The following COL4A5 variants were observed in gnomAD, a reference collection of about 807,000 sequenced individuals.
COL4A5 encodes the protein collagen alpha-5(IV) chain.
A neutral mutation model predicts 130.2 loss-of-function variants in COL4A5; 26 were observed. The observed-to-expected ratio is 0.20, with a 90% confidence interval of 0.15 to 0.28. The LOEUF (loss-of-function observed/expected upper bound fraction) is 0.28. Among genes scored for constraint, COL4A5 ranks in the 10% least tolerant of loss-of-function variants. The pLI is 1.00. For synonymous variants in COL4A5, 496 were observed against 439.6 expected, an observed-to-expected ratio of 1.13 and a Z score of -1.60; for missense variants, 1,131 against 1,344.3, an observed-to-expected ratio of 0.84 and a Z score of 2.48.
intron 10 of COL4A5, among the ~76,000 whole-genome samples, chrX:108,576,986 C>A (rs1459857894): frequency 1.8e-5 from 2 of 111,684 alleles, no homozygotes; most frequent in African/African-American, 3.3e-5. Context: ...TGAATTTCCT[C>A]AACCATTGTG....
At chrX:108,519,609 T>A (rs1342533862) in intron 1 of COL4A5, among the ~76,000 whole-genome samples, 1 of 111,688 alleles carries the variant, frequency 9.0e-6, no homozygotes, top group Non-Finnish European at 1.9e-5. Flanking sequence ...TACATTATTT[T>A]GAATATGTAC....
chrX:108,608,501 C>G (rs1005769026), intron 29 of COL4A5, among the ~76,000 whole-genome samples: 6 of 111,053 alleles, frequency 5.4e-5, no homozygotes, highest in Non-Finnish European at 9.5e-5. Flanking sequence ...TTGACAAATA[C>G]TATATACTAT....
chrX:108,663,526 A>G (rs1377608856), intron 37 of COL4A5, among the ~76,000 whole-genome samples: 2 of 111,371 alleles, frequency 1.8e-5, no homozygotes, highest in East Asian at 2.8e-4. Context: ...GAGCTGAACA[A>G]TGAGAATACA....
intron 1 of COL4A5, among the ~76,000 whole-genome samples, chrX:108,499,166 C>T (rs1300060981): frequency 9.0e-6 from 1 of 111,191 alleles, no homozygotes; most frequent in Admixed American, 9.6e-5. Flanking sequence ...AAGAAGTTCC[C>T]TCTATTTTTA....
intron 2 of COL4A5, 101 bp from the exon 3 acceptor site, chrX:108,558,963 T>C (rs2065865800): frequency 3.0e-6 from 2 of 666,076 alleles, no homozygotes; most frequent in African/African-American, 4.2e-5. Context: ...TTAAATTAAG[T>C]TAGTTTTGTC....
chrX:108,574,115 T>G (rs1299231229), intron 9 of COL4A5, among the ~76,000 whole-genome samples: 1 of 111,655 alleles, frequency 9.0e-6, no homozygotes, highest in Non-Finnish European at 1.9e-5. Flanking sequence ...GAAAAAAATT[T>G]TAGCCTACAG....
At chrX:108,543,389 C>G (rs991674130) in intron 2 of COL4A5, among the ~76,000 whole-genome samples, 32 of 111,504 alleles carry the variant, frequency 2.9e-4, no homozygotes, top group African/African-American at 9.8e-4. Flanking sequence ...GCTTGTTTTT[C>G]TCAGGTTTGT....
chrX:108,516,116 T>C (rs761022134), intron 1 of COL4A5, among the ~76,000 whole-genome samples: 4 of 112,110 alleles, frequency 3.6e-5, no homozygotes, highest in Non-Finnish European at 7.5e-5. Flanking sequence ...AGTAATTGTG[T>C]TAGAAATGCA....
intron 1 of COL4A5, among the ~76,000 whole-genome samples, chrX:108,534,166 GAA>G (rs1383529226): frequency 9.2e-6 from 1 of 108,322 alleles, no homozygotes; most frequent in Non-Finnish European, 1.9e-5. Flanking sequence ...GAGAGAGAGA[GAA>G]AGAGAAAGAA....
At chrX:108,526,660 CTTCTTTCTTTCTCTTTCTTTCTTTCTT>C (rs2065324954) in intron 1 of COL4A5, among the ~76,000 whole-genome samples, 44 of 38,724 alleles carry the variant, frequency 1.1e-3, no homozygotes, top group East Asian at 4.9e-3. Flanking sequence ...TTCTTTCTTT[CTTCTTTCTTTCTCTTTCTTTCTTTCTT>C]TCTTTCTTTC....
At chrX:108,615,712 A>G (rs1229640640) in intron 30 of COL4A5, among the ~76,000 whole-genome samples, 2 of 111,601 alleles carry the variant, frequency 1.8e-5, no homozygotes, top group Non-Finnish European at 3.8e-5. Context: ...AATTCTCGTT[A>G]TGTTAATCTA....
intron 2 of COL4A5, among the ~76,000 whole-genome samples, chrX:108,547,567 TGAG>T (rs2065680285): frequency 8.9e-6 from 1 of 111,910 alleles, no homozygotes; most frequent in African/African-American, 3.3e-5. Flanking sequence ...GGGACCCACT[TGAG>T]GAGGCAGTCT....
chrX:108,508,100 TC>T (rs1163584709), intron 1 of COL4A5, among the ~76,000 whole-genome samples: 1 of 111,035 alleles, frequency 9.0e-6, no homozygotes, highest in East Asian at 2.8e-4. Context: ...GTCAAACTAT[TC>T]CTGTTTGTAG....
chrX:108,526,725 C>A (rs866731791), intron 1 of COL4A5, among the ~76,000 whole-genome samples: 2 of 80,321 alleles, frequency 2.5e-5, no homozygotes, highest in African/African-American at 9.0e-5. Context: ...TTCTTTCTTT[C>A]TTCCTCCTCC....
At chrX:108,448,356 A>G (rs1211647257) in intron 1 of COL4A5, among the ~76,000 whole-genome samples, 1 of 112,601 alleles carries the variant, frequency 8.9e-6, no homozygotes, top group East Asian at 2.8e-4. Context: ...AGACTTCAAG[A>G]AATTCTGTTA....
intron 29 of COL4A5, among the ~76,000 whole-genome samples, chrX:108,609,249 A>G (rs1037165233): frequency 8.9e-6 from 1 of 111,864 alleles, no homozygotes. Context: ...ATTTACACCA[A>G]AGTGGTTCAG....
rs200584982 is a variant in COL4A5, at chrX:108,599,035, GT to G, written c.1948+168del. Among the ~76,000 whole-genome samples the G allele has an allele frequency of 0.03, 3,332 of 111,640 alleles. 119 individuals are homozygous for G. The highest frequency in any genetic ancestry group is 0.1 in the African/African-American group (3,164 of 30,628). ...GGATCACAATGGTTTTTATAAGGGG[GT>G]TTCTTTTTAAATCTTTTCTAACTGT... On this transcript the variant is annotated intron_variant, in intron 25 of 52. Coordinates refer to ENST00000328300, the MANE Select transcript of COL4A5 (RefSeq NM_033380.3).
intron 2 of COL4A5, among the ~76,000 whole-genome samples, chrX:108,544,366 T>A (rs771767249): frequency 1.8e-3 from 197 of 112,497 alleles, no homozygotes; most frequent in African/African-American, 6.2e-3. Context: ...ATTGAGATAA[T>A]CATGTGGTTT....
chrX:108,446,740 C>G (rs1312335567), intron 1 of COL4A5, among the ~76,000 whole-genome samples: 1 of 111,689 alleles, frequency 9.0e-6, no homozygotes, highest in Middle Eastern at 4.2e-3. Context: ...ATCCCTATTT[C>G]ATACATGGTA....
Sources: gnomAD v4.1 joint callset for allele counts (sites outside exome capture counted in the v4.1 genomes callset) on GRCh38, gnomAD v4.1.1 for gene constraint, MANE v1.5 for transcripts, NCBI Gene and HGNC (gene_info 2026-07-23, HGNC 2026-07-21) for gene names.